The following UBA3 variants were observed in gnomAD, a reference collection of about 807,000 sequenced individuals.
The protein encoded by UBA3 is NEDD8-activating enzyme E1 catalytic subunit.
UBA3 carries 26 observed loss-of-function variants against 73.5 expected under a neutral mutation model. The observed-to-expected ratio is 0.35, with a 90% CI of 0.26 to 0.49. The LOEUF (loss-of-function observed/expected upper bound fraction) is 0.49. Among genes scored for constraint, UBA3 ranks in the 20% least tolerant of loss-of-function variants. UBA3 has a pLI of 0.98. For synonymous variants in UBA3, 217 were observed against 191.2 expected (o/e 1.13, Z -1.11); for missense variants, 495 against 555.6 (o/e 0.89, Z 1.10).
intron 4 of UBA3, among the ~76,000 whole-genome samples, chr3:69,071,965 A>G (rs1276900709): frequency 6.6e-6 from 1 of 152,094 alleles, no homozygotes; most frequent in African/African-American, 2.4e-5. Flanking sequence ...GCTTGCTATT[A>G]TTTTTTCAAA....
At chr3:69,059,423 A>C (rs1181323778) in intron 11 of UBA3, among the ~76,000 whole-genome samples, 2 of 152,216 alleles carry the variant, frequency 1.3e-5, no homozygotes, top group African/African-American at 4.8e-5. Flanking sequence ...GGCTACCATT[A>C]ATCAGTTCTG....
At chr3:69,056,421 C>T (rs1381491985) in intron 14 of UBA3, 138 bp from the exon 15 acceptor site, 4 of 874,276 alleles carry the variant, frequency 4.6e-6, no homozygotes, top group Non-Finnish European at 6.8e-6. Context: ...TTAAAGCCTG[C>T]TTTTCATAAT....
At chr3:69,075,776 A>T (rs1306060791) in intron 3 of UBA3, among the ~76,000 whole-genome samples, 1 of 151,944 alleles carries the variant, frequency 6.6e-6, no homozygotes, top group Admixed American at 6.6e-5. Context: ...CTTGTCACAC[A>T]GGCTGGAGTG....
intron 1 of UBA3, 50 bp downstream of exon 1, chr3:69,080,284 C>G: frequency 6.3e-7 from 1 of 1,599,808 alleles, no homozygotes; most frequent in Non-Finnish European, 8.5e-7. Context: ...CCGCCGCGCT[C>G]TCTCACAACC....
intron 7 of UBA3, 105 bp from the exon 8 acceptor site, chr3:69,063,608 G>A: frequency 1.1e-6 from 1 of 933,536 alleles, no homozygotes; most frequent in African/African-American, 1.7e-5. Context: ...TCTGGTGCAA[G>A]ATGTTGATTA....
chr3:69,066,620 C>T (rs1383446638), intron 6 of UBA3, among the ~76,000 whole-genome samples: 1 of 151,840 alleles, frequency 6.6e-6, no homozygotes. Flanking sequence ...TTAGTAGAGA[C>T]GGGGTTTCAC....
Position 69,071,656 on chromosome 3 carries a change from C to G in UBA3, c.265-39G>C, listed in dbSNP as rs549607596. 13 of 1,300,316 alleles carry G rather than the reference C, an allele frequency of 1.0e-5. No homozygotes were observed. The East Asian group carries it at 3.0e-4, about 30-fold the overall frequency. 80.5% of individuals were successfully genotyped at this position (1,300,316 alleles called of 1,614,324 possible). A position where few individuals can be genotyped will look rare whatever the true frequency, so the allele number is the denominator to read the frequency against. ...AACAATCCAATTAAGCAGAAGTTTC[C>G]TCACATTTAAAAACGTAACATTTGT... On this transcript the variant is annotated intron_variant, in intron 4 of 17. Transcript: ENST00000361055.
chr3:69,067,683 T>C (rs1010923252), intron 6 of UBA3, among the ~76,000 whole-genome samples: 1 of 152,032 alleles, frequency 6.6e-6, no homozygotes, highest in African/African-American at 2.4e-5. Context: ...CAAAATAAAG[T>C]AGATGATGAA....
Position 69,075,490 on chromosome 3 carries a change from A to G in UBA3, c.204T>C (p.Asp68=). 6.4e-7 allele frequency: 1 copy of G among 1,560,124 alleles called. No individual in the cohort carries two copies. Among genetic ancestry groups the G allele is most frequent in the Non-Finnish European group, 8.6e-7 (1 of 1,156,844 alleles). The part of the protein sequence containing the change: ...PSTESLQFLL[D]TCKVLVIGAG... ...CTCCAATGACTAGAACTTTACATGTATCTAACAAGAACTGGAGAGACTGTA... is the reference window on the plus strand; with the variant it reads ...CTCCAATGACTAGAACTTTACATGTGTCTAACAAGAACTGGAGAGACTGTA... The change falls in exon 4 of 18, where the codon GAT becomes GAC. Residue 68 remains aspartate, a synonymous_variant. Transcript: ENST00000361055.
At chr3:69,067,902 T>C (rs763747177) in intron 6 of UBA3, 26 bp downstream of exon 6, 4 of 1,522,232 alleles carry the variant, frequency 2.6e-6, no homozygotes, top group Admixed American at 3.5e-5. Context: ...AAAAATTAAG[T>C]AATTTTCTTT....
In UBA3 at chr3:69,056,655, T is replaced by A; in HGVS notation, c.1040A>T (p.Asp347Val). ...IPLNNYLVFN[D>V]VDGLYTYTFE... is the part of the protein sequence containing the mutation. ...TGTGTATGTATACAGCCCATCTACA[T>A]CATTAAACACCAAGTAATTATTCAA... The change falls in exon 14 of 18, where the codon GAT becomes GTT. Residue 347 changes from aspartate to valine, a missense_variant. Asp to Val is a radical substitution (Grantham distance 152). Coordinates refer to ENST00000361055, the MANE Select transcript of UBA3 (RefSeq NM_003968.4). 1 of 1,613,420 alleles carries A rather than the reference T, an allele frequency of 6.2e-7. No homozygotes were observed. The highest frequency in any genetic ancestry group is 8.5e-7 in the Non-Finnish European group (1 of 1,179,542).
chr3:69,055,608 T>C, intron 17 of UBA3, 83 bp from the exon 18 acceptor site: 1 of 1,049,192 alleles, frequency 9.5e-7, no homozygotes. Flanking sequence ...CTACAGAGTA[T>C]TACGGTCTAG....
chr3:69,061,691 T>C, intron 11 of UBA3, 123 bp downstream of exon 11: 2 of 577,550 alleles, frequency 3.5e-6, no homozygotes, highest in Non-Finnish European at 3.0e-6. Context: ...ATGAATTACA[T>C]GGTACCTTTA....
At chr3:69,070,107 C>T (rs1456368070) in intron 5 of UBA3, among the ~76,000 whole-genome samples, 1 of 152,162 alleles carries the variant, frequency 6.6e-6, no homozygotes, top group Non-Finnish European at 1.5e-5. Flanking sequence ...CCATCTTCAA[C>T]CATTTTAGCC....
At chr3:69,070,499 G>GA (rs1290940294) in intron 5 of UBA3, among the ~76,000 whole-genome samples, 6 of 150,128 alleles carry the variant, frequency 4.0e-5, no homozygotes, top group Admixed American at 2.0e-4. Context: ...AATAGAGAGA[G>GA]AAAAAAAAAG....
chr3:69,073,224 C>T (rs2092136454), intron 4 of UBA3, among the ~76,000 whole-genome samples: 1 of 152,090 alleles, frequency 6.6e-6, no homozygotes, highest in African/African-American at 2.4e-5. Context: ...TTGTGATATC[C>T]ACTCCAAGCC....
intron 5 of UBA3, 138 bp from the exon 6 acceptor site, chr3:69,068,146 T>C: frequency 1.8e-6 from 1 of 561,654 alleles, no homozygotes; most frequent in East Asian, 3.4e-5. Context: ...CTAAGTATTT[T>C]GATTTCAGTA....
chr3:69,066,694 A>C (rs1489926044), intron 6 of UBA3, among the ~76,000 whole-genome samples: 1 of 152,050 alleles, frequency 6.6e-6, no homozygotes, highest in Non-Finnish European at 1.5e-5. Context: ...GGCCTCCCAA[A>C]GTGCTGGGAT....
At chr3:69,069,377 G>T (rs1305231809) in intron 5 of UBA3, among the ~76,000 whole-genome samples, 1 of 151,948 alleles carries the variant, frequency 6.6e-6, no homozygotes. Flanking sequence ...ACCCACGCTG[G>T]AGTGCAGTGG....
Sources: gnomAD v4.1 joint callset for allele counts (sites outside exome capture counted in the v4.1 genomes callset) on GRCh38, gnomAD v4.1.1 for gene constraint, MANE v1.5 for transcripts, NCBI Gene and HGNC (gene_info 2026-07-23, HGNC 2026-07-21) for gene names.